Variants in CPLANE1 observed in about 807,000 individuals in gnomAD.
CPLANE1 encodes the protein ciliogenesis and planar polarity effector 1.
A neutral mutation model predicts 362.5 loss-of-function variants in CPLANE1; 263 were observed. That is an observed-to-expected ratio of 0.73 (90% CI 0.66 to 0.80). The LOEUF (loss-of-function observed/expected upper bound fraction) is 0.80. Among genes scored for constraint, CPLANE1 ranks in the 30% least tolerant of loss-of-function variants. CPLANE1 has a pLI of 0.00. For missense variants in CPLANE1, 3,461 were observed against 3,793.4 expected (o/e 0.91, Z 2.30); for synonymous variants, 1,212 against 1,302.6 (o/e 0.93, Z 1.50).
intron 38 of CPLANE1, among the ~76,000 whole-genome samples, chr5:37,160,064 CAA>C (rs1428849831): frequency 1.3e-5 from 2 of 152,002 alleles, no homozygotes; most frequent in Admixed American, 1.3e-4. Context: ...TAGGTAGAAA[CAA>C]AGAGTGACAA....
chr5:37,159,161 G>A (rs1256219624), intron 38 of CPLANE1, among the ~76,000 whole-genome samples: 8 of 132,492 alleles, frequency 6.0e-5, no homozygotes, highest in Admixed American at 8.4e-5. Context: ...CCGGACTGCG[G>A]ACTGCAGTGG....
intron 6 of CPLANE1, 33 bp from the exon 7 acceptor site, chr5:37,239,902 G>T (rs1561707998): frequency 1.4e-6 from 2 of 1,389,846 alleles, no homozygotes; most frequent in East Asian, 2.6e-5. Context: ...GAAAACAAAA[G>T]GTATAGTAAC....
At chr5:37,153,291 A>G (rs568079670) in intron 42 of CPLANE1, among the ~76,000 whole-genome samples, 1 of 152,332 alleles carries the variant, frequency 6.6e-6, no homozygotes, top group African/African-American at 2.4e-5. Context: ...CAAACATTTA[A>G]GGAAGAAATA....
At chr5:37,094,222 G>C in the CPLANE1 span, among the ~76,000 whole-genome samples, 5 of 152,162 alleles carry the variant, frequency 3.3e-5, no homozygotes, top group African/African-American at 9.7e-5. Context: ...GTCAGTGTAC[G>C]TTATTCATCT....
At position 37,175,926 on chromosome 5, in the gene CPLANE1, C is replaced by G; in HGVS notation, c.5961G>C (p.Thr1987=). 1 of 1,612,750 alleles carries G rather than the reference C, an allele frequency of 6.2e-7. No homozygotes were observed. The highest frequency in any genetic ancestry group is 8.5e-7 in the Non-Finnish European group (1 of 1,179,134). The change falls in exon 31 of 53, where the codon ACG becomes ACC. Residue 1987 remains threonine (T), a synonymous_variant. Transcript: ENST00000651892. ...CTTCTTACCTAGAAATTTCTGAACT[C>G]GTATCTACTTGCATTGATTGAGGAG... is the stretch of plus-strand genomic sequence containing the variant. ...HTTPQSMQVD[T]SSEISSAQIS...
Position 37,245,818 on chromosome 5 carries a change from C to T in CPLANE1, c.109G>A (p.Asp37Asn). ...AAATTAATTTCATTTATGAATTTAT[C>T]ATCCAAAAGAAAAACGGCTTCTTTT... Reference protein sequence around the residue: ...KEKEAVFLLDDKFINEINLLS... With the variant: ...KEKEAVFLLDNKFINEINLLS... Residue 37 changes from aspartate (D) to asparagine (N), a missense_variant, in exon 3 of 53, where the codon GAT becomes AAT. Asp to Asn is a conservative substitution (Grantham distance 23, BLOSUM62 1). This residue lies in a region of CPLANE1 where 3,380 missense variants were observed against 3,666.1 expected (regional missense o/e 0.92). Transcript: ENST00000651892. 6.6e-7 allele frequency: 1 copy of T among 1,521,354 alleles called. No homozygotes were observed. The highest frequency in any genetic ancestry group is 8.8e-7 in the Non-Finnish European group (1 of 1,136,882). The allele number at this position is 1,521,354 out of a possible 1,614,324, so 94.2% of individuals were successfully genotyped here. A position where few individuals can be genotyped will look rare whatever the true frequency, so the allele number is the denominator to read the frequency against.
At chr5:37,140,304 T>G (rs1182148214) in intron 44 of CPLANE1, 1 of 972,428 alleles carries the variant, frequency 1.0e-6, no homozygotes. Flanking sequence ...GACTTACACA[T>G]TCACATGGTT....
chr5:37,174,049 T>C (rs1442032850), intron 31 of CPLANE1, 102 bp from the exon 32 acceptor site: 1 of 1,008,354 alleles, frequency 9.9e-7, no homozygotes, highest in Non-Finnish European at 1.4e-6. Flanking sequence ...TGTCTTCCAA[T>C]TTAAAGGTTA....
downstream of CPLANE1, among the ~76,000 whole-genome samples, chr5:37,101,851 T>G (rs1330781110): frequency 1.3e-5 from 2 of 152,186 alleles, no homozygotes; most frequent in Non-Finnish European, 2.9e-5. Context: ...GTCCAGGAAT[T>G]TATCTATTTC....
chr5:37,120,173 T>C (rs1762235438), intron 50 of CPLANE1, 43 bp downstream of exon 50: 2 of 1,569,186 alleles, frequency 1.3e-6, no homozygotes, highest in Non-Finnish European at 1.7e-6. Flanking sequence ...CAAGAAGGAA[T>C]AGGTCCAAAT....
chr5:37,187,593 A>G (rs1391742433), intron 22 of CPLANE1, 21 bp from the exon 23 acceptor site: 4 of 1,592,896 alleles, frequency 2.5e-6, no homozygotes, highest in Admixed American at 3.6e-5. Context: ...ATTGAAAAAC[A>G]TTCATTTCCT....
chr5:37,236,634 C>T (rs1208882480), intron 8 of CPLANE1, among the ~76,000 whole-genome samples: 1 of 150,990 alleles, frequency 6.6e-6, no homozygotes, highest in Non-Finnish European at 1.5e-5. Flanking sequence ...AAAAGGCAAC[C>T]TACAAAATGG....
chr5:37,218,191 C>T (rs1794565080), intron 15 of CPLANE1, among the ~76,000 whole-genome samples: 1 of 152,074 alleles, frequency 6.6e-6, no homozygotes, highest in Non-Finnish European at 1.5e-5. Context: ...ATAAGAAGAG[C>T]TCACTGAACC....
intron 51 of CPLANE1, 26 bp downstream of exon 51, chr5:37,114,934 A>T: frequency 7.0e-7 from 1 of 1,437,974 alleles, no homozygotes; most frequent in Non-Finnish European, 9.7e-7. Flanking sequence ...ATTAAGTCTA[A>T]AAACTTTATC....
At chr5:37,150,019 G>C (rs926899068) in intron 42 of CPLANE1, among the ~76,000 whole-genome samples, 2 of 152,128 alleles carry the variant, frequency 1.3e-5, no homozygotes, top group African/African-American at 4.8e-5. Context: ...GTCTTAAAAG[G>C]CTTGAGAGAG....
chr5:37,138,248 T>C (rs1280220611), intron 46 of CPLANE1, among the ~76,000 whole-genome samples: 2 of 152,216 alleles, frequency 1.3e-5, no homozygotes, highest in Admixed American at 6.5e-5. Context: ...ATATTTAGGA[T>C]AGTTAAGTCT....
At chr5:37,211,067 T>C (rs145332721) in intron 16 of CPLANE1, 49 of 864,096 alleles carry the variant, frequency 5.7e-5, no homozygotes, top group African/African-American at 3.8e-4. Flanking sequence ...TGATCCATCA[T>C]TCTGCCAATG....
At chr5:37,178,305 A>C (rs1281063844) in intron 29 of CPLANE1, among the ~76,000 whole-genome samples, 1 of 151,750 alleles carries the variant, frequency 6.6e-6, no homozygotes, top group Non-Finnish European at 1.5e-5. Flanking sequence ...TAAAAATAAA[A>C]ATAAAAATAA....
chr5:37,126,591 T>C (rs1764191654), intron 46 of CPLANE1, among the ~76,000 whole-genome samples: 1 of 152,182 alleles, frequency 6.6e-6, no homozygotes, highest in Non-Finnish European at 1.5e-5. Flanking sequence ...CTCACAAGCA[T>C]TTTCCCCAGT....
Sources: gnomAD v4.1 joint callset for allele counts (sites outside exome capture counted in the v4.1 genomes callset) on GRCh38, gnomAD v4.1.1 for gene constraint, gnomAD v4.1.1 regional missense constraint, MANE v1.5 for transcripts, NCBI Gene and HGNC (gene_info 2026-07-23, HGNC 2026-07-21) for gene names.